Variants in SMG1 observed in about 807,000 individuals in gnomAD.
SMG1 encodes the protein serine/threonine-protein kinase SMG1.
SMG1 carries 22 observed loss-of-function variants against 419.9 expected under a neutral mutation model. That is an observed-to-expected ratio of 0.05 (90% CI 0.04 to 0.07). The LOEUF (loss-of-function observed/expected upper bound fraction) is 0.07, where lower values mean the gene tolerates loss of function less well. Ranked by LOEUF, SMG1 falls within the 10% of genes least tolerant of loss-of-function variation. The pLI is 1.00. For missense variants in SMG1, 3,185 were observed against 4,342.0 expected (o/e 0.73, Z 7.49); for synonymous variants, 1,538 against 1,553.5 (o/e 0.99, Z 0.23).
rs1483635701 is a variant in SMG1 at position 18,815,188 on chromosome 16, T to C, written c.10608A>G (p.Pro3536=). Residue 3536 remains proline (P), a synonymous_variant, in exon 60 of 63, where the codon CCA becomes CCG. Transcript: ENST00000446231. ...CTCTTCTCCTACCTGCAGCGAAGGA[T>C]GGCTGATAAGTAGCAGATGACGTTG... The part of the protein sequence containing the change: ...SSPTSSATYQ[P]SFAAAVRSNT... 19 of 1,589,392 alleles carry C rather than the reference T, an allele frequency of 1.2e-5. No homozygotes were observed. Among genetic ancestry groups the C allele is most frequent in the Non-Finnish European group, 1.5e-5 (18 of 1,166,964 alleles).
chr16:18,876,645 T>G lies in SMG1; in HGVS notation c.1621-252A>C, dbSNP rs772348884. Among the ~76,000 whole-genome samples the G allele has an allele frequency of 5.6e-5, 8 of 143,334 alleles. No homozygotes were observed. The South Asian group carries it at 1.6e-3, about 28-fold the overall frequency. The allele number at this position is 143,334 out of a possible 152,430, so 94.0% of individuals were successfully genotyped here. ...GTACTATAAATGAAAACTGTCAATA[T>G]GAAATTTCCGAAATGGCCGTTTTTT... On this transcript the variant is annotated intron_variant, in intron 12 of 62. Coordinates refer to ENST00000446231, the MANE Select transcript of SMG1 (RefSeq NM_015092.5).
intron 7 of SMG1, 59 bp downstream of exon 7, chr16:18,885,482 C>G: frequency 6.3e-7 from 1 of 1,586,592 alleles, no homozygotes; most frequent in Admixed American, 1.7e-5. Context: ...TCCTCAGATC[C>G]TCACACACAC....
chr16:18,847,764 A>G, intron 37 of SMG1, 52 bp downstream of exon 37: 2 of 1,592,244 alleles, frequency 1.3e-6, no homozygotes, highest in Non-Finnish European at 1.7e-6. Context: ...GGCAAAAGCA[A>G]TTTTTATTAT....
chr16:18,854,666 A>C lies in SMG1; in HGVS notation c.4473T>G (p.Leu1491=). 6.2e-7 allele frequency: 1 copy of C among 1,613,464 alleles called. No individual in the cohort carries two copies. Among genetic ancestry groups the C allele is most frequent in the Non-Finnish European group, 8.5e-7 (1 of 1,179,706 alleles). ...PELDIEKTKL[L]YTAGQSTHAM... is the part of the protein sequence containing the mutation. The stretch of plus-strand genomic sequence containing the variant: ...ATTAATTTTACTAACCTGCTGTATA[A>C]AGCAATTTGGTTTTTTCAATATCAA... The change falls in exon 30 of 63, where the codon CTT becomes CTG. Residue 1491 remains leucine, a synonymous_variant. Transcript: ENST00000446231.
At chr16:18,891,654 G>A (rs547785805) in intron 4 of SMG1, among the ~76,000 whole-genome samples, 4 of 152,190 alleles carry the variant, frequency 2.6e-5, no homozygotes, top group East Asian at 1.9e-4. Context: ...GGCTGGTATC[G>A]AACTCCTGAA....
chr16:18,896,733 A>C (rs1438051178), intron 2 of SMG1, 60 bp downstream of exon 2: 2 of 1,309,666 alleles, frequency 1.5e-6, no homozygotes. Context: ...ATAAGAAGGC[A>C]GGAAGGTGAG....
chr16:18,834,333 G>A lies in SMG1; in HGVS notation c.8436C>T (p.Ser2812=), dbSNP rs773584061. 8.7e-6 allele frequency: 14 copies of A among 1,613,358 alleles called. No individual in the cohort carries two copies. Among genetic ancestry groups the A allele is most frequent in the African/African-American group, 2.7e-5 (2 of 74,870 alleles). ...ACTGAACCAAGCAGGTGACGTTTCCGCTCATACTGCAGAGTTCCTCCAAGA... is the reference window on the plus strand; with the variant it reads ...ACTGAACCAAGCAGGTGACGTTTCCACTCATACTGCAGAGTTCCTCCAAGA... The part of the protein sequence containing the change: ...AWFLEELCSM[S]GNVTCLVQLL... Residue 2812 remains serine (S), a synonymous_variant, in exon 50 of 63, where the codon AGC becomes AGT. Coordinates refer to ENST00000446231, the MANE Select transcript of SMG1 (RefSeq NM_015092.5).
At chr16:18,818,138 T>C (rs1013399856) in intron 56 of SMG1, among the ~76,000 whole-genome samples, 4 of 151,804 alleles carry the variant, frequency 2.6e-5, no homozygotes, top group Non-Finnish European at 4.4e-5. Flanking sequence ...ATCCCAGCAC[T>C]TTGGGAGGCT....
chr16:18,895,534 G>C (rs1437085949), intron 3 of SMG1, among the ~76,000 whole-genome samples: 1 of 151,436 alleles, frequency 6.6e-6, no homozygotes, highest in East Asian at 1.9e-4. Context: ...CCCACTCTAG[G>C]GGGCAGGGGG....
At chr16:18,920,460 G>T (rs1446016542) in intron 1 of SMG1, among the ~76,000 whole-genome samples, 1 of 151,718 alleles carries the variant, frequency 6.6e-6, no homozygotes, top group Admixed American at 6.6e-5. Flanking sequence ...CATAAGGAAT[G>T]ACTTATTTCA....
intron 1 of SMG1, chr16:18,925,731 C>G: frequency 2.9e-6 from 1 of 344,858 alleles, no homozygotes; most frequent in South Asian, 5.8e-5. Context: ...CGGGTCTCGG[C>G]TCCAGCCCCG....
chr16:18,833,212 C>G, intron 50 of SMG1, 46 bp from the exon 51 acceptor site: 1 of 1,489,300 alleles, frequency 6.7e-7, no homozygotes, highest in African/African-American at 1.4e-5. Context: ...TTGAGTTTAG[C>G]TAAGTTACAC....
intron 38 of SMG1, among the ~76,000 whole-genome samples, chr16:18,846,139 T>C (rs2034253433): frequency 6.6e-6 from 1 of 152,066 alleles, no homozygotes; most frequent in South Asian, 2.1e-4. Flanking sequence ...TTTAAAAAAA[T>C]GCAGCTCATA....
At chr16:18,874,919 T>TCC (rs1331167258) in intron 13 of SMG1, among the ~76,000 whole-genome samples, 86 of 131,124 alleles carry the variant, frequency 6.6e-4, no homozygotes, top group African/African-American at 9.8e-4. Context: ...TTTTTTTTTT[T>TCC]CCCCTAAAAG....
At position 18,879,575 on chromosome 16, in the gene SMG1, T is replaced by C. The variant is rs760008591; in HGVS notation, c.1438A>G (p.Thr480Ala). The C allele has an allele frequency of 3.1e-6, 4 of 1,295,856 alleles. No individual in the cohort carries two copies. The highest frequency in any genetic ancestry group is 1.1e-6 in the Non-Finnish European group (1 of 926,890). The allele number at this position is 1,295,856 out of a possible 1,614,324, so 80.3% of individuals were successfully genotyped here. The part of the protein sequence containing the change: ...SMTIHCDMVI[T>A]YGLDQLENCQ... Reference sequence around the variant, plus strand: ...TTCTCCAGTTGGTCTAATCCATATGTAATGACCATGTCACAATGTATAGTC... The same window carrying C: ...TTCTCCAGTTGGTCTAATCCATATGCAATGACCATGTCACAATGTATAGTC... The change falls in exon 11 of 63, where the codon ACA becomes GCA. Residue 480 changes from threonine (T) to alanine (A), a missense_variant. Physicochemically the swap from Thr to Ala is moderately conservative, Grantham distance 58. This residue lies in a region of SMG1 where 297 missense variants were observed against 491.0 expected (regional missense o/e 0.60). Coordinates refer to ENST00000446231, the MANE Select transcript of SMG1 (RefSeq NM_015092.5).
intron 22 of SMG1, among the ~76,000 whole-genome samples, chr16:18,867,016 A>G (rs921759938): frequency 6.6e-6 from 1 of 152,230 alleles, no homozygotes; most frequent in African/African-American, 2.4e-5. Flanking sequence ...AAGTTACCCA[A>G]ACATTCAACC....
chr16:18,816,249 G>T, intron 58 of SMG1, 53 bp downstream of exon 58: 2 of 1,375,706 alleles, frequency 1.5e-6, no homozygotes, highest in South Asian at 2.7e-5. Flanking sequence ...AAAACTACTT[G>T]TAAATTTTAT....
At chr16:18,835,186 G>A in intron 48 of SMG1, 22 bp from the exon 49 acceptor site, 2 of 1,592,420 alleles carry the variant, frequency 1.3e-6, no homozygotes, top group Non-Finnish European at 1.7e-6. Flanking sequence ...AGGAAGAGGT[G>A]CTTGTTTATA....
chr16:18,853,778 T>G lies in SMG1; in HGVS notation c.4573A>C (p.Ile1525Leu). 6.2e-7 allele frequency: 1 copy of G among 1,613,886 alleles called. No individual in the cohort carries two copies. The highest frequency in any genetic ancestry group is 8.5e-7 in the Non-Finnish European group (1 of 1,179,860). The change falls in exon 31 of 63, where the codon ATT (isoleucine) becomes CTT (leucine). Residue 1525 changes from isoleucine (I) to leucine (L), a missense_variant. This residue lies in a region of SMG1 where 493 missense variants were observed against 552.9 expected (regional missense o/e 0.89). Transcript: ENST00000446231. ...VKAEYAVAKS[I>L]LTLAKWIQAE... ...TGGATCCATTTAGCCAGTGTCAGAA[T>G]TGATTTAGCAACTGCATATTCAGCT...
Sources: allele counts gnomAD v4.1 joint callset (sites outside exome capture counted in the v4.1 genomes callset), GRCh38; gene constraint gnomAD v4.1.1; regional missense constraint gnomAD v4.1.1; transcripts MANE v1.5; gene names NCBI Gene and HGNC (gene_info 2026-07-23, HGNC 2026-07-21).